PPARD: variants seen among roughly 807,000 people sequenced by gnomAD.
PPARD encodes peroxisome proliferator activated receptor delta.
A neutral mutation model predicts 39.5 loss-of-function variants in PPARD; 6 were observed. The observed-to-expected ratio is 0.15, with a 90% CI of 0.08 to 0.30. The LOEUF is 0.30. Among genes scored for constraint, PPARD ranks in the 10% least tolerant of loss-of-function variants. PPARD has a pLI of 1.00. For synonymous variants in PPARD, 210 were observed against 231.3 expected, an observed-to-expected ratio of 0.91 and a Z score of 0.83; for missense variants, 397 against 596.8, an observed-to-expected ratio of 0.67 and a Z score of 3.49.
chr6:35,351,018 T>C (rs1029443113), intron 2 of PPARD, among the ~76,000 whole-genome samples: 2 of 152,132 alleles, frequency 1.3e-5, no homozygotes, highest in African/African-American at 4.8e-5. Flanking sequence ...ATTCTTTTTT[T>C]GTTTGTTTGT....
intron 2 of PPARD, among the ~76,000 whole-genome samples, chr6:35,384,536 C>T (rs1763451213): frequency 8.9e-6 from 1 of 112,234 alleles, no homozygotes; most frequent in African/African-American, 4.3e-5. Context: ...AGGTGAGGGG[C>T]GCCTCTGCCC....
chr6:35,420,871 G>C (rs181147821), intron 4 of PPARD, among the ~76,000 whole-genome samples: 1 of 116,680 alleles, frequency 8.6e-6, no homozygotes, highest in East Asian at 3.0e-4. Flanking sequence ...CTGTCGCCCA[G>C]GCTGGAGTGC....
At chr6:35,390,998 G>T (rs1168373822) in intron 2 of PPARD, among the ~76,000 whole-genome samples, 1 of 152,170 alleles carries the variant, frequency 6.6e-6, no homozygotes, top group Non-Finnish European at 1.5e-5. Context: ...GGTGGTGACA[G>T]TCTTGGTGAC....
chr6:35,387,090 G>T (rs771532988), intron 2 of PPARD, among the ~76,000 whole-genome samples: 7 of 152,070 alleles, frequency 4.6e-5, no homozygotes, highest in Non-Finnish European at 8.8e-5. Flanking sequence ...AGGGCCCTGG[G>T]CCCCTTATTT....
intron 2 of PPARD, among the ~76,000 whole-genome samples, chr6:35,377,871 C>CT (rs540687692): frequency 0.013 from 1,613 of 120,280 alleles, 153 homozygotes; most frequent in Middle Eastern, 0.045. Context: ...GTTTACGTAT[C>CT]TTTTTTTTTT....
chr6:35,393,818 G>A (rs570221322), intron 2 of PPARD, among the ~76,000 whole-genome samples: 1 of 152,200 alleles, frequency 6.6e-6, no homozygotes, highest in South Asian at 2.1e-4. Context: ...TTGTTAAGTG[G>A]GTGCTTATAT....
chr6:35,367,268 G>A (rs778009806), intron 2 of PPARD, among the ~76,000 whole-genome samples: 3 of 152,172 alleles, frequency 2.0e-5, no homozygotes, highest in South Asian at 2.1e-4. Flanking sequence ...ATTATAGGGC[G>A]AGTATAAATA....
intron 2 of PPARD, among the ~76,000 whole-genome samples, chr6:35,381,270 G>A (rs562595832): frequency 3.3e-5 from 5 of 152,126 alleles, no homozygotes; most frequent in East Asian, 1.9e-4. Context: ...ACAAATTATC[G>A]TTACGTTACA....
Position 35,412,220 on chromosome 6 carries a change from C to T in PPARD, c.130+1003C>T, listed in dbSNP as rs9658141. 3.5e-4 allele frequency among the ~76,000 whole-genome samples: 53 copies of T among 152,258 alleles called. 1 individual carries two copies. The highest frequency in any genetic ancestry group is 1.4e-3 in the East Asian group (7 of 5,176). ...TGCTGGGATTACAAGCAGGAGCCAC[C>T]GCGCCTGGCCTGATCCCTCTGCTTC... On this transcript the variant is annotated intron_variant, in intron 3 of 7. Coordinates refer to ENST00000360694, the MANE Select transcript of PPARD (RefSeq NM_006238.5). This position sits in a 1 kb window ranked among gnomAD's most constrained non-coding sequence, Gnocchi z 4.1.
rs1453840099 is a variant in PPARD at position 35,423,951 on chromosome 6, C to T, written c.430C>T (p.Arg144Cys). ...LALGMSHNAI[R>C]FGRMPEAEKR... is the part of the protein sequence containing the mutation. ...CTGCCCCCTTCCCTGTGCAGCTATC[C>T]GTTTTGGTCGGATGCCGGAGGCTGA... Residue 144 changes from arginine to cysteine, a missense_variant, in exon 6 of 8, where the codon CGT (arginine) becomes TGT (cysteine). By Grantham distance (180) the Arg-to-Cys change is radical. Transcript: ENST00000360694. 7 of 1,614,010 alleles carry T rather than the reference C, an allele frequency of 4.3e-6. No homozygotes were observed. Among genetic ancestry groups the T allele is most frequent in the Admixed American group, 1.7e-5 (1 of 60,022 alleles).
intron 2 of PPARD, among the ~76,000 whole-genome samples, chr6:35,370,068 C>T (rs1007403589): frequency 5.9e-5 from 9 of 152,172 alleles, no homozygotes; most frequent in Non-Finnish European, 1.5e-5. Flanking sequence ...GTACCTGACT[C>T]CCTGTTCCTT....
chr6:35,391,821 C>T (rs1198958172), intron 2 of PPARD, among the ~76,000 whole-genome samples: 1 of 152,164 alleles, frequency 6.6e-6, no homozygotes, highest in African/African-American at 2.4e-5. Context: ...GAAATAGACA[C>T]TCAGAGAAGT....
chr6:35,368,798 CTGAGCTTTAT>C (rs1384232423), intron 2 of PPARD, among the ~76,000 whole-genome samples: 23 of 152,202 alleles, frequency 1.5e-4, no homozygotes, highest in Admixed American at 1.4e-3. Context: ...TTGATAGTAT[CTGAGCTTTAT>C]GGTGGCCTCT....
intron 2 of PPARD, among the ~76,000 whole-genome samples, chr6:35,372,558 T>C (rs1762545547): frequency 6.6e-6 from 1 of 152,200 alleles, no homozygotes; most frequent in Non-Finnish European, 1.5e-5. Context: ...CAAGCTTGGA[T>C]GAGTGTAAGA....
chr6:35,342,901 G>GCC (rs150373160), intron 1 of PPARD, among the ~76,000 whole-genome samples: 1 of 151,814 alleles, frequency 6.6e-6, no homozygotes, highest in African/African-American at 2.4e-5. Context: ...CTGACCCTGC[G>GCC]CCCCCCCGCC....
At chr6:35,376,897 G>T (rs532060111) in intron 2 of PPARD, among the ~76,000 whole-genome samples, 31 of 152,144 alleles carry the variant, frequency 2.0e-4, no homozygotes, top group African/African-American at 6.5e-4. Context: ...GTGGGTGCCT[G>T]TAGTCCCAGC....
At chr6:35,421,753 G>C in intron 4 of PPARD, 67 bp from the exon 5 acceptor site, 1 of 1,502,016 alleles carries the variant, frequency 6.7e-7, no homozygotes, top group Admixed American at 2.1e-5. Flanking sequence ...ATACATAATC[G>C]GGCCCTTTGG....
chr6:35,420,422 C>G lies in PPARD; in HGVS notation c.285+141C>G, dbSNP rs947824312. 5.0e-6 allele frequency: 6 copies of G among 1,200,270 alleles called. No individual in the cohort carries two copies. The East Asian group carries it at 1.5e-4, about 29-fold the overall frequency. The allele number at this position is 1,200,270 out of a possible 1,614,324, so 74.4% of individuals were successfully genotyped here. ...TTCCTGCCCAGGAGGCAGCCAGGCC[C>G]TTGTGCTCCAGACCTCAGCTCTGGG... On this transcript the variant is annotated intron_variant, in intron 4 of 7. Transcript: ENST00000360694.
chr6:35,354,379 C>A (rs150755816), intron 2 of PPARD, among the ~76,000 whole-genome samples: 5,131 of 149,210 alleles, frequency 0.034, 183 homozygotes, highest in African/African-American at 0.091. Context: ...CGGCTCACAG[C>A]AACCTCTGCC....
Sources: allele counts gnomAD v4.1 joint callset (sites outside exome capture counted in the v4.1 genomes callset), GRCh38; gene constraint gnomAD v4.1.1; non-coding constraint Gnocchi (gnomAD v3.1); transcripts MANE v1.5; gene names NCBI Gene and HGNC (gene_info 2026-07-23, HGNC 2026-07-21).